The following NOL4 variants were observed in gnomAD, a reference collection of about 807,000 sequenced individuals.
NOL4 encodes the protein nucleolar protein 4, also known as cancer/testis antigen 125.
NOL4 carries 17 observed loss-of-function variants against 75.9 expected under a neutral mutation model. That is an observed-to-expected ratio of 0.22 (90% CI 0.15 to 0.34). The LOEUF (loss-of-function observed/expected upper bound fraction) is 0.34. Among genes scored for constraint, NOL4 ranks in the 10% least tolerant of loss-of-function variants. The pLI, the probability that NOL4 is intolerant of heterozygous loss-of-function variation, is 1.00. For synonymous variants in NOL4, 292 were observed against 289.9 expected, an observed-to-expected ratio of 1.01 and a Z score of -0.07; for missense variants, 614 against 793.5, an observed-to-expected ratio of 0.77 and a Z score of 2.72.
At chr18:33,950,967 A>G (rs905625546) in intron 8 of NOL4, among the ~76,000 whole-genome samples, 11 of 152,068 alleles carry the variant, frequency 7.2e-5, no homozygotes, top group Admixed American at 7.2e-4. Context: ...TTTGGTTTTC[A>G]TTTTTAGGAT....
intron 2 of NOL4, among the ~76,000 whole-genome samples, chr18:34,109,861 G>T (rs1306243435): frequency 1.3e-5 from 2 of 151,470 alleles, no homozygotes; most frequent in African/African-American, 4.8e-5. Flanking sequence ...AGAATCACAA[G>T]AATCATGAAC....
chr18:34,134,647 A>C (rs1318439315), intron 1 of NOL4, among the ~76,000 whole-genome samples: 1 of 152,180 alleles, frequency 6.6e-6, no homozygotes, highest in Non-Finnish European at 1.5e-5. Context: ...TTTAAAAAAA[A>C]ACTAATAGAC....
chr18:33,946,316 G>GGT (rs2068832502), intron 8 of NOL4, among the ~76,000 whole-genome samples: 1 of 151,476 alleles, frequency 6.6e-6, no homozygotes, highest in Admixed American at 6.6e-5. Flanking sequence ...CTCTTATTGA[G>GGT]TGCTTAGGAC....
intron 5 of NOL4, among the ~76,000 whole-genome samples, chr18:34,076,622 AC>A (rs2077757102): frequency 6.6e-6 from 1 of 152,030 alleles, no homozygotes. Flanking sequence ...CCTGAGTCCC[AC>A]TCCAGGAACA....
intron 1 of NOL4, among the ~76,000 whole-genome samples, chr18:34,159,582 C>G (rs2031109038): frequency 6.6e-6 from 1 of 152,050 alleles, no homozygotes; most frequent in South Asian, 2.1e-4. Context: ...GCTTGAGAGT[C>G]CCCTAGAGAG....
intron 1 of NOL4, among the ~76,000 whole-genome samples, chr18:34,148,634 T>A (rs2081511393): frequency 1.3e-5 from 2 of 151,952 alleles, no homozygotes; most frequent in African/African-American, 4.8e-5. Context: ...TTACTTCCAA[T>A]TATGTGGTCA....
At chr18:34,040,078 A>G (rs2076074852) in intron 5 of NOL4, among the ~76,000 whole-genome samples, 2 of 151,986 alleles carry the variant, frequency 1.3e-5, no homozygotes, top group African/African-American at 4.8e-5. Flanking sequence ...TCAATTTACA[A>G]TAGGTCTGTT....
At chr18:33,940,692 AAAAACAAAAC>A (rs751876990) in intron 9 of NOL4, among the ~76,000 whole-genome samples, 29 of 152,070 alleles carry the variant, frequency 1.9e-4, no homozygotes, top group Non-Finnish European at 3.4e-4. Flanking sequence ...TTAAAGTACA[AAAAACAAAAC>A]AAAACAAAAC....
At chr18:33,963,964 G>T (rs752234972) in intron 6 of NOL4, among the ~76,000 whole-genome samples, 1 of 152,104 alleles carries the variant, frequency 6.6e-6, no homozygotes, top group Non-Finnish European at 1.5e-5. Flanking sequence ...GAAAAAAGGC[G>T]AACCTGTGTT....
chr18:34,121,974 C>T (rs1303851983), intron 2 of NOL4, among the ~76,000 whole-genome samples: 1 of 152,124 alleles, frequency 6.6e-6, no homozygotes, highest in Non-Finnish European at 1.5e-5. Context: ...ACACTTTAGA[C>T]TATGTAAATA....
At chr18:34,021,153 A>AC (rs1442315144) in intron 5 of NOL4, among the ~76,000 whole-genome samples, 1 of 152,214 alleles carries the variant, frequency 6.6e-6, no homozygotes, top group Non-Finnish European at 1.5e-5. Flanking sequence ...TTTGGCCTGT[A>AC]AAGACTCTGT....
chr18:34,203,429 C>CCA (rs540989695), intron 1 of NOL4, among the ~76,000 whole-genome samples: 34 of 151,140 alleles, frequency 2.2e-4, no homozygotes, highest in Admixed American at 8.6e-4. Context: ...TGCAGACACA[C>CCA]CACACACACA....
In NOL4 at chr18:34,030,265, A is replaced by C. The variant is rs188803411; in HGVS notation, c.773-10664T>G. Among the ~76,000 whole-genome samples the C allele has an allele frequency of 4.6e-4, 70 of 152,324 alleles. No individual in the cohort carries two copies. In the East Asian group the frequency reaches 0.012, roughly 27 times the overall value. On this transcript the variant is annotated intron_variant, in intron 5 of 10. Coordinates refer to ENST00000261592, the MANE Select transcript of NOL4 (RefSeq NM_003787.5). The stretch of plus-strand genomic sequence containing the variant: ...GATACATGCAAAGAAACTGCATCCT[A>C]AGACAGAGCATAACTAGGTTAAATA...
At chr18:34,162,089 C>T (rs187384623) in intron 1 of NOL4, among the ~76,000 whole-genome samples, 71 of 152,146 alleles carry the variant, frequency 4.7e-4, no homozygotes, top group Non-Finnish European at 8.1e-4. Flanking sequence ...TTTCTGCCCA[C>T]GCTAAATGCA....
At chr18:34,194,378 A>G (rs192347983) in intron 1 of NOL4, among the ~76,000 whole-genome samples, 1,899 of 151,654 alleles carry the variant, frequency 0.013, 16 homozygotes, top group Middle Eastern at 0.051. Context: ...AGCAACTAAG[A>G]AAAGAAGAAA....
At chr18:34,003,766 A>C (rs2073875159) in intron 6 of NOL4, among the ~76,000 whole-genome samples, 1 of 152,012 alleles carries the variant, frequency 6.6e-6, no homozygotes, top group Admixed American at 6.6e-5. Context: ...TGCCTTGTAA[A>C]CTAAAAATAA....
intron 1 of NOL4, among the ~76,000 whole-genome samples, chr18:34,200,275 A>G (rs1027747585): frequency 2.6e-5 from 4 of 151,808 alleles, no homozygotes; most frequent in Non-Finnish European, 5.9e-5. Flanking sequence ...TGTAATTAAT[A>G]TATCCTGATA....
chr18:33,879,996 C>CTAA (rs2064162590), intron 10 of NOL4, among the ~76,000 whole-genome samples: 1 of 151,900 alleles, frequency 6.6e-6, no homozygotes, highest in African/African-American at 2.4e-5. Context: ...CCTTTTTAAC[C>CTAA]ACAGTCTTGT....
chr18:34,162,011 C>A (rs1265033073), intron 1 of NOL4, among the ~76,000 whole-genome samples: 1 of 152,098 alleles, frequency 6.6e-6, no homozygotes, highest in Non-Finnish European at 1.5e-5. Flanking sequence ...CAAACTATTT[C>A]TATGCCGGCA....
Sources: gnomAD v4.1 joint callset for allele counts (sites outside exome capture counted in the v4.1 genomes callset) on GRCh38, gnomAD v4.1.1 for gene constraint, MANE v1.5 for transcripts, NCBI Gene and HGNC (gene_info 2026-07-23, HGNC 2026-07-21) for gene names.